NPIPB2: variants seen among roughly 807,000 people sequenced by gnomAD.
NPIPB2 encodes the protein nuclear pore complex interacting protein family member B2, also known as nuclear pore complex-interacting protein family member B2.
NPIPB2 carries 27 observed loss-of-function variants against 30.8 expected under a neutral mutation model. That is an observed-to-expected ratio of 0.88 (90% CI 0.65 to 1.21). The LOEUF is 1.21. NPIPB2 is among the 50% of genes most tolerant of loss of function. The pLI is 0.00. For missense variants in NPIPB2, 440 were observed against 446.2 expected, an observed-to-expected ratio of 0.99 and a Z score of 0.13; for synonymous variants, 147 against 162.0, an observed-to-expected ratio of 0.91 and a Z score of 0.70.
intron 5 of NPIPB2, 103 bp downstream of exon 5, chr16:11,930,347 G>C: frequency 8.4e-6 from 9 of 1,071,290 alleles, no homozygotes; most frequent in Non-Finnish European, 1.2e-5. Flanking sequence ...CTGACCATTT[G>C]TTTCTATTTC....
chr16:11,941,727 GCCTCACAATGGACATGC>G (rs1199211918), intron 1 of NPIPB2: 13 of 773,680 alleles, frequency 1.7e-5, no homozygotes, highest in Non-Finnish European at 2.6e-5. Context: ...CAATGGACGT[GCCTCACAATGGACATGC>G]CAAGTAGCGC....
At chr16:11,946,786 T>A (rs1404875714), upstream of NPIPB2, among the ~76,000 whole-genome samples, 2 of 152,056 alleles carry the variant, frequency 1.3e-5, no homozygotes, top group East Asian at 1.9e-4. Context: ...TTCGTAGGTA[T>A]CTCTGACTGA....
intron 1 of NPIPB2, among the ~76,000 whole-genome samples, chr16:11,955,561 C>A (rs537515993): frequency 5.3e-5 from 8 of 150,664 alleles, no homozygotes; most frequent in Admixed American, 1.3e-4. Context: ...TACAAAAAAA[C>A]CTAAAAATAG....
At chr16:11,975,099 G>A (rs570210920) in intron 1 of NPIPB2, among the ~76,000 whole-genome samples, 3 of 130,858 alleles carry the variant, frequency 2.3e-5, no homozygotes, top group African/African-American at 5.7e-5. Flanking sequence ...ACAAAAGAAC[G>A]TTGTGAATGT....
chr16:11,961,068 G>A (rs192087794), intron 1 of NPIPB2, among the ~76,000 whole-genome samples: 199 of 151,906 alleles, frequency 1.3e-3, no homozygotes, highest in African/African-American at 4.6e-3. Flanking sequence ...TCACCATGTT[G>A]GCCAGATTGG....
intron 1 of NPIPB2, among the ~76,000 whole-genome samples, chr16:11,974,481 C>T (rs1202188883): frequency 6.6e-6 from 1 of 152,062 alleles, no homozygotes; most frequent in Non-Finnish European, 1.5e-5. Flanking sequence ...CGCGCCATTG[C>T]ACTCCTGCCT....
upstream of NPIPB2, among the ~76,000 whole-genome samples, chr16:11,942,395 T>C (rs1243783764): frequency 6.7e-6 from 1 of 149,846 alleles, no homozygotes; most frequent in African/African-American, 2.4e-5. Context: ...GATGAGATCA[T>C]AACATGGCAA....
intron 1 of NPIPB2, among the ~76,000 whole-genome samples, chr16:11,973,793 G>A (rs1596510560): frequency 6.6e-6 from 1 of 152,100 alleles, no homozygotes; most frequent in East Asian, 1.9e-4. Context: ...ACCGCACCCA[G>A]CCAAATTATC....
intron 1 of NPIPB2, among the ~76,000 whole-genome samples, chr16:11,958,357 G>A (rs2055130362): frequency 6.6e-6 from 1 of 151,770 alleles, no homozygotes; most frequent in South Asian, 2.1e-4. Context: ...GAACCCAGGA[G>A]GCGGAGGTTG....
chr16:11,966,549 C>G (rs546900841), intron 1 of NPIPB2, among the ~76,000 whole-genome samples: 1 of 152,310 alleles, frequency 6.6e-6, no homozygotes, highest in Admixed American at 6.5e-5. Context: ...CAATGTCAGT[C>G]TTCTCCAGGA....
At chr16:11,973,010 A>G (rs561750097) in intron 1 of NPIPB2, among the ~76,000 whole-genome samples, 1 of 151,914 alleles carries the variant, frequency 6.6e-6, no homozygotes, top group South Asian at 2.1e-4. Context: ...AAAGTATAAA[A>G]TTAGCCGGGC....
At chr16:11,954,097 A>T (rs904398283) in intron 1 of NPIPB2, among the ~76,000 whole-genome samples, 1 of 151,006 alleles carries the variant, frequency 6.6e-6, no homozygotes, top group South Asian at 2.1e-4. Flanking sequence ...GTTATTTCCA[A>T]TTTTTTTTTG....
intron 1 of NPIPB2, among the ~76,000 whole-genome samples, chr16:11,976,384 CTCCG>C (rs1256843962): frequency 2.6e-5 from 4 of 152,228 alleles, no homozygotes; most frequent in African/African-American, 9.6e-5. Flanking sequence ...TAGAGAGGCC[CTCCG>C]GGATTGCCCA....
intron 1 of NPIPB2, chr16:11,967,967 C>A: frequency 9.1e-7 from 1 of 1,101,676 alleles, no homozygotes; most frequent in Non-Finnish European, 1.3e-6. Flanking sequence ...TGTCCTCTAA[C>A]TGTGGAAACT....
intron 1 of NPIPB2, chr16:11,941,266 C>G: frequency 1.3e-6 from 2 of 1,486,996 alleles, no homozygotes; most frequent in Non-Finnish European, 1.8e-6. Context: ...TCAGGGCGCC[C>G]TGAGGCGGCC....
At chr16:11,927,413 C>G (rs770588361) in exon 8 of NPIPB2, 2 of 1,071,456 alleles carry the variant, frequency 1.9e-6, no homozygotes, top group Non-Finnish European at 2.8e-6. Context: ...CTTACTCAAC[C>G]TCCGCCTCTT....
chr16:11,967,279 G>T (rs768245536), intron 1 of NPIPB2: 3 of 345,712 alleles, frequency 8.7e-6, no homozygotes, highest in African/African-American at 2.1e-5. Flanking sequence ...TGGGATTACA[G>T]GCGTGAGCCA....
At chr16:11,930,485 A>G (rs756367582) in exon 5 of NPIPB2, 205 of 1,582,358 alleles carry the variant, frequency 1.3e-4, no homozygotes, top group Non-Finnish European at 1.7e-4. Flanking sequence ...CCAATTTCCC[A>G]TTTTCCTCTG....
chr16:11,960,465 C>T (rs2150935326), intron 1 of NPIPB2, among the ~76,000 whole-genome samples: 1 of 149,864 alleles, frequency 6.7e-6, no homozygotes, highest in South Asian at 2.1e-4. Flanking sequence ...CAAGCAATTG[C>T]CCTGCCTCAG....
Sources: allele counts gnomAD v4.1 joint callset (sites outside exome capture counted in the v4.1 genomes callset), GRCh38; gene constraint gnomAD v4.1.1; transcripts MANE v1.5; gene names NCBI Gene and HGNC (gene_info 2026-07-23, HGNC 2026-07-21).